The following PDIA6 variants were observed in gnomAD, a reference collection of about 807,000 sequenced individuals.
The protein encoded by PDIA6 is protein disulfide isomerase family A member 6.
In PDIA6, 29 loss-of-function variants were observed where a neutral mutation model predicts 58.4. The observed-to-expected ratio is 0.50, with a 90% CI of 0.37 to 0.68. The LOEUF (loss-of-function observed/expected upper bound fraction) is 0.68. Ranked by LOEUF, PDIA6 falls within the 30% of genes least tolerant of loss-of-function variation. The pLI is 0.00. For synonymous variants in PDIA6, 192 were observed against 202.6 expected (o/e 0.95, Z 0.44); for missense variants, 480 against 551.0 (o/e 0.87, Z 1.29).
At chr2:10,819,497 T>C (rs1293644189) in intron 1 of PDIA6, 5 of 594,404 alleles carry the variant, frequency 8.4e-6, no homozygotes, top group Middle Eastern at 4.2e-4. Flanking sequence ...GTTATAGTGC[T>C]GAAAAATCTT....
chr2:10,816,016 C>G (rs1015430396), upstream of PDIA6, among the ~76,000 whole-genome samples: 6 of 150,098 alleles, frequency 4.0e-5, no homozygotes, highest in Admixed American at 6.6e-5. Context: ...CACCTCTATT[C>G]AACTTTCTTT....
At chr2:10,806,628 C>CAAAGAGAGAAAGAAAGAAAGAA in intron 1 of PDIA6, among the ~76,000 whole-genome samples, 1 of 70,366 alleles carries the variant, frequency 1.4e-5, no homozygotes, top group Non-Finnish European at 3.9e-5. Flanking sequence ...AAAATAAAGA[C>CAAAGAGAGAAAGAAAGAAAGAA]AGAAAGAAAG....
chr2:10,819,306 A>C, exon 2 of PDIA6: 1 of 1,538,856 alleles, frequency 6.5e-7, no homozygotes, highest in Non-Finnish European at 8.8e-7. Flanking sequence ...TGATGGATAC[A>C]TTATGGGACT....
intron 1 of PDIA6, among the ~76,000 whole-genome samples, chr2:10,811,687 G>C (rs7582410): frequency 0.014 from 2,169 of 152,348 alleles, 65 homozygotes; most frequent in African/African-American, 0.051. Context: ...GTTAAGGACT[G>C]TCAGAGCCAA....
intron 1 of PDIA6, among the ~76,000 whole-genome samples, chr2:10,822,677 C>T (rs541443644): frequency 1.3e-5 from 2 of 152,342 alleles, no homozygotes; most frequent in South Asian, 4.1e-4. Flanking sequence ...ACCCTCTATA[C>T]CATCTAATAA....
Position 10,791,885 on chromosome 2 carries a change from A to G in PDIA6, c.494T>C (p.Leu165Pro), listed in dbSNP as rs1176839508. The change falls in exon 6 of 13, where the codon CTG (leucine) becomes CCG (proline). Residue 165 changes from leucine to proline, a missense_variant. Leu to Pro is a moderately conservative substitution (Grantham distance 98). Coordinates refer to ENST00000272227, the MANE Select transcript of PDIA6 (RefSeq NM_005742.4). ...ATTCTTATCAAAGCTGTCGTCTGTC[A>G]GCTCAATCACATCCTTCTTACTTGA... The part of the protein sequence containing the change: ...DSSSKKDVIE[L>P]TDDSFDKNVL... 6.2e-7 allele frequency: 1 copy of G among 1,614,114 alleles called. No individual in the cohort carries two copies. Among genetic ancestry groups the G allele is most frequent in the East Asian group, 2.2e-5 (1 of 44,878 alleles).
chr2:10,822,064 C>T (rs1048862960), intron 1 of PDIA6, among the ~76,000 whole-genome samples: 2 of 151,902 alleles, frequency 1.3e-5, no homozygotes, highest in African/African-American at 2.4e-5. Flanking sequence ...CTCAGCCTCC[C>T]GAGTAGCTGG....
intron 11 of PDIA6, among the ~76,000 whole-genome samples, chr2:10,786,786 T>C (rs938528040): frequency 2.0e-5 from 3 of 152,060 alleles, no homozygotes; most frequent in Admixed American, 1.3e-4. Context: ...CAGAGCAGAG[T>C]AGACAGCTCT....
intron 1 of PDIA6, among the ~76,000 whole-genome samples, chr2:10,811,625 C>T (rs1431131270): frequency 1.3e-5 from 2 of 152,180 alleles, no homozygotes; most frequent in East Asian, 3.8e-4. Context: ...TAACTTGCTC[C>T]AAGTCACAGA....
intron 4 of PDIA6, among the ~76,000 whole-genome samples, chr2:10,794,753 C>T (rs998623401): frequency 1.3e-5 from 2 of 152,012 alleles, no homozygotes; most frequent in South Asian, 4.2e-4. Context: ...ATGGTGAAAC[C>T]CCATCTCTAC....
At chr2:10,798,692 C>T (rs1666376474) in intron 2 of PDIA6, among the ~76,000 whole-genome samples, 1 of 152,162 alleles carries the variant, frequency 6.6e-6, no homozygotes, top group Admixed American at 6.6e-5. Flanking sequence ...ATGTGCTTCA[C>T]TGTGTGGAGC....
chr2:10,837,481 A>G (rs1558469903), upstream of PDIA6: 1 of 692,336 alleles, frequency 1.4e-6, no homozygotes, highest in Non-Finnish European at 2.6e-6. Flanking sequence ...TGGTATGGAA[A>G]CTCCAGATGG....
chr2:10,836,909 C>T (rs548258116), upstream of PDIA6, among the ~76,000 whole-genome samples: 8 of 152,326 alleles, frequency 5.3e-5, no homozygotes, highest in South Asian at 1.4e-3. Flanking sequence ...TGCCTCAACC[C>T]TCTCTGATGA....
At chr2:10,792,175 G>C (rs1385224966) in intron 5 of PDIA6, among the ~76,000 whole-genome samples, 1 of 152,132 alleles carries the variant, frequency 6.6e-6, no homozygotes, top group Non-Finnish European at 1.5e-5. Flanking sequence ...CCTGAATGCT[G>C]TCACCAGCTA....
At chr2:10,834,481 G>A (rs1667780176), upstream of PDIA6, among the ~76,000 whole-genome samples, 1 of 151,656 alleles carries the variant, frequency 6.6e-6, no homozygotes, top group Non-Finnish European at 1.5e-5. Context: ...CTGGGCTGCA[G>A]TGACTCCCAG....
upstream of PDIA6, among the ~76,000 whole-genome samples, chr2:10,816,077 C>CTTTTTTTTTTTTTTTTT (rs57404091): frequency 1.0e-4 from 10 of 96,468 alleles, 1 homozygote; most frequent in African/African-American, 3.6e-4. Context: ...AATCATTTGT[C>CTTTTTTTTTTTTTTTTT]TTTTTTTTTT....
At chr2:10,789,031 A>C (rs1665911957) in intron 8 of PDIA6, 50 bp from the exon 9 acceptor site, 5 of 1,346,962 alleles carry the variant, frequency 3.7e-6, no homozygotes, top group Non-Finnish European at 5.3e-6. Flanking sequence ...ATGATACAAC[A>C]CCTAAAGGTA....
At chr2:10,831,462 G>C (rs865787314) in intron 1 of PDIA6, among the ~76,000 whole-genome samples, 5 of 152,166 alleles carry the variant, frequency 3.3e-5, no homozygotes, top group Admixed American at 6.5e-5. Flanking sequence ...GCCCTCCCTT[G>C]CAGCTGCTAA....
At chr2:10,834,365 C>T (rs1261877028), upstream of PDIA6, among the ~76,000 whole-genome samples, 2 of 152,218 alleles carry the variant, frequency 1.3e-5, no homozygotes, top group Admixed American at 6.5e-5. Flanking sequence ...ATTCTGGACA[C>T]GTGTGCCCTT....
Sources: gnomAD v4.1 joint callset for allele counts (sites outside exome capture counted in the v4.1 genomes callset) on GRCh38, gnomAD v4.1.1 for gene constraint, MANE v1.5 for transcripts, NCBI Gene and HGNC (gene_info 2026-07-23, HGNC 2026-07-21) for gene names.